Variants in PTPRT observed in about 807,000 individuals in gnomAD.
PTPRT encodes the protein protein tyrosine phosphatase receptor type T.
In PTPRT, 56 loss-of-function variants were observed where a neutral mutation model predicts 176.8. The ratio of observed to expected loss-of-function variants is 0.32; its 90% CI spans 0.26 to 0.40. The LOEUF (loss-of-function observed/expected upper bound fraction) is 0.40. Ranked by LOEUF, PTPRT falls within the 10% of genes least tolerant of loss-of-function variation. PTPRT has a pLI of 1.00. For missense variants in PTPRT, 1,540 were observed against 1,908.2 expected (o/e 0.81, Z 3.60); for synonymous variants, 783 against 739.0 (o/e 1.06, Z -0.96).
chr20:42,780,588 C>G (rs1277014352), intron 3 of PTPRT, among the ~76,000 whole-genome samples: 1 of 152,182 alleles, frequency 6.6e-6, no homozygotes, highest in Non-Finnish European at 1.5e-5. Flanking sequence ...AAACCCCAGT[C>G]TGCATCTTTC....
At chr20:42,321,896 C>G (rs1442217258) in intron 11 of PTPRT, among the ~76,000 whole-genome samples, 4 of 152,100 alleles carry the variant, frequency 2.6e-5, no homozygotes, top group Non-Finnish European at 5.9e-5. Context: ...ACGGTGAAAC[C>G]CCGTCTCTAC....
At chr20:42,907,414 C>A (rs2079492433) in intron 1 of PTPRT, among the ~76,000 whole-genome samples, 1 of 151,884 alleles carries the variant, frequency 6.6e-6, no homozygotes, top group Non-Finnish European at 1.5e-5. Flanking sequence ...TCAACGTTGA[C>A]TGGAATGAAG....
chr20:42,519,099 T>G (rs920259249), intron 7 of PTPRT, among the ~76,000 whole-genome samples: 8 of 152,164 alleles, frequency 5.3e-5, no homozygotes, highest in African/African-American at 1.7e-4. Flanking sequence ...GGCTCCCTCA[T>G]GCTGCCCTTC....
At chr20:43,064,966 T>A (rs1381947795) in intron 1 of PTPRT, among the ~76,000 whole-genome samples, 1 of 152,210 alleles carries the variant, frequency 6.6e-6, no homozygotes, top group Non-Finnish European at 1.5e-5. Context: ...TGCCCTTTCC[T>A]CTGTTGTGGA....
intron 7 of PTPRT, among the ~76,000 whole-genome samples, chr20:42,559,801 G>A (rs890821624): frequency 6.6e-6 from 1 of 152,200 alleles, no homozygotes; most frequent in Non-Finnish European, 1.5e-5. Context: ...TCATTGCTTT[G>A]CACAGCAATT....
chr20:42,579,626 T>C (rs1809712889), intron 7 of PTPRT, among the ~76,000 whole-genome samples: 1 of 152,224 alleles, frequency 6.6e-6, no homozygotes, highest in African/African-American at 2.4e-5. Context: ...TGGTATCTCA[T>C]TGAGGTTTTG....
rs1200737312 is a variant in PTPRT at position 42,604,151 on chromosome 20, A to G, written c.1153+73715T>C. Among the ~76,000 whole-genome samples, 3 of 152,056 alleles carry G rather than the reference A, an allele frequency of 2.0e-5. No homozygotes were observed. The East Asian group carries it at 5.8e-4, about 29-fold the overall frequency. On this transcript the variant is annotated intron_variant, in intron 7 of 30. Transcript: ENST00000373187. ...CAGGCAGACATGGGGCCTAATCAGA[A>G]CTCCCACTGAAGCTGGACGGCCTTG...
chr20:42,186,690 G>T (rs1027388261), intron 16 of PTPRT, among the ~76,000 whole-genome samples: 2 of 152,080 alleles, frequency 1.3e-5, no homozygotes, highest in Non-Finnish European at 2.9e-5. Flanking sequence ...GGTACAACGT[G>T]TTTAGATTTG....
At chr20:42,655,755 T>G (rs969262) in intron 7 of PTPRT, among the ~76,000 whole-genome samples, 126,013 of 152,022 alleles carry the variant, frequency 0.83, 52,493 homozygotes, top group East Asian at 0.94. Context: ...GGGCAAACAG[T>G]ATGATGTTTA....
At chr20:42,657,521 C>T (rs186072497) in intron 7 of PTPRT, among the ~76,000 whole-genome samples, 13 of 152,306 alleles carry the variant, frequency 8.5e-5, no homozygotes, top group Admixed American at 6.5e-4. Context: ...TCTCTTGTCT[C>T]TCCACATGCT....
intron 1 of PTPRT, among the ~76,000 whole-genome samples, chr20:42,913,642 A>G (rs1340895130): frequency 6.6e-6 from 1 of 152,178 alleles, no homozygotes; most frequent in African/African-American, 2.4e-5. Context: ...AACAGCCATT[A>G]TTTATGGTAC....
Position 42,081,874 on chromosome 20 carries a change from A to G in PTPRT, c.4272+8T>C, listed in dbSNP as rs1205808448. On this transcript the variant is annotated splice_region_variant and intron_variant, in intron 30 of 30. Coordinates refer to ENST00000373187, the MANE Select transcript of PTPRT (RefSeq NM_007050.6). ...TGGCTGTTGGAGAACAGTCCTTGGG[A>G]TACTCACCAGGGTCTCCACCATGTT... The G allele has an allele frequency of 1.2e-6, 2 of 1,614,216 alleles. No individual in the cohort carries two copies. Among genetic ancestry groups the G allele is most frequent in the Admixed American group, 3.3e-5 (2 of 60,022 alleles).
chr20:42,171,443 G>A (rs1296354950), intron 16 of PTPRT, among the ~76,000 whole-genome samples: 19 of 152,102 alleles, frequency 1.2e-4, no homozygotes, highest in Non-Finnish European at 4.4e-5. Context: ...ACCAGGAAGT[G>A]GGTGACTGAT....
At chr20:42,531,086 C>CT (rs775721720) in intron 7 of PTPRT, among the ~76,000 whole-genome samples, 3 of 152,328 alleles carry the variant, frequency 2.0e-5, no homozygotes, top group Admixed American at 6.5e-5. Flanking sequence ...TGGAAGCTAT[C>CT]TTTCTTTGTA....
chr20:42,395,029 G>A lies in PTPRT; in HGVS notation c.1561-42744C>T, dbSNP rs116315130. ...CCTACTCCGAGTCTGCTGGACAAGT[G>A]TGAGGAAAGCAGTGACCCATGCTAA... On this transcript the variant is annotated intron_variant, in intron 9 of 30. Coordinates refer to ENST00000373187, the MANE Select transcript of PTPRT (RefSeq NM_007050.6). Among the ~76,000 whole-genome samples the A allele has an allele frequency of 6.4e-3, 977 of 152,300 alleles. 7 individuals carry two copies. Among genetic ancestry groups the A allele is most frequent in the African/African-American group, 0.022 (930 of 41,560 alleles).
intron 1 of PTPRT, among the ~76,000 whole-genome samples, chr20:43,172,869 CTTTTTTTTTT>C (rs1156414727): frequency 1.7e-5 from 2 of 117,524 alleles, no homozygotes; most frequent in Non-Finnish European, 3.4e-5. Context: ...AGTCTGCAGT[CTTTTTTTTTT>C]TTTTTTTTTT....
At chr20:43,034,646 A>AT (rs145179802) in intron 1 of PTPRT, among the ~76,000 whole-genome samples, 6,227 of 151,204 alleles carry the variant, frequency 0.041, 405 homozygotes, top group African/African-American at 0.14. Flanking sequence ...AGTTTTTGCC[A>AT]TAAAAACAGC....
intron 1 of PTPRT, among the ~76,000 whole-genome samples, chr20:42,896,821 G>C (rs777587903): frequency 1.3e-5 from 2 of 152,014 alleles, no homozygotes; most frequent in African/African-American, 4.8e-5. Flanking sequence ...TTCCACCCTC[G>C]TGCCAACAAA....
chr20:42,690,663 C>A (rs3092692), intron 6 of PTPRT, among the ~76,000 whole-genome samples: 5 of 152,144 alleles, frequency 3.3e-5, no homozygotes, highest in African/African-American at 9.7e-5. Context: ...AAACTATGCC[C>A]AATACACTTC....
Sources: gnomAD v4.1 joint callset for allele counts (sites outside exome capture counted in the v4.1 genomes callset) on GRCh38, gnomAD v4.1.1 for gene constraint, MANE v1.5 for transcripts, NCBI Gene and HGNC (gene_info 2026-07-23, HGNC 2026-07-21) for gene names.